Variants in SDK2 observed in about 807,000 individuals in gnomAD.
The protein encoded by SDK2 is sidekick cell adhesion molecule 2, also known as protein sidekick-2.
Under a neutral mutation model 253.9 loss-of-function variants are expected in SDK2, and 105 were observed. The ratio of observed to expected loss-of-function variants is 0.41; its 90% CI spans 0.35 to 0.49. SDK2 has a LOEUF of 0.49. SDK2 is among the 20% of genes least tolerant of loss of function. SDK2 has a pLI of 0.06. For synonymous variants in SDK2, 1,249 were observed against 1,234.9 expected (o/e 1.01, Z -0.24); for missense variants, 2,608 against 3,003.0 (o/e 0.87, Z 3.07).
intron 1 of SDK2, chr17:73,520,549 C>A (rs1046505220): frequency 1.3e-5 from 2 of 152,302 alleles, no homozygotes; most frequent in Non-Finnish European, 2.9e-5. Flanking sequence ...ACAGACGAGA[C>A]CCCTGGGGCC....
In SDK2 at chr17:73,472,114, G is replaced by A. The variant is rs2063655789; in HGVS notation, c.329C>T (p.Ala110Val). The change falls in exon 3 of 45, where the codon GCC (alanine) becomes GTC (valine). Residue 110 changes from alanine (A) to valine (V), a missense_variant and splice_region_variant. Transcript: ENST00000392650. ...LLQRQTEVQV[A>V]YMGSFEEGEK... ...CCCTGGGTCCCCATTGTACTCACAG[G>A]CCACCTGGACCTCGGTTTGCCGCTG... 1.3e-6 allele frequency: 2 copies of A among 1,550,718 alleles called. No homozygotes were observed. The highest frequency in any genetic ancestry group is 2.0e-5 in the Admixed American group (1 of 50,996).
chr17:73,348,413 C>T (rs563540796), intron 44 of SDK2, among the ~76,000 whole-genome samples, 186 bp downstream of exon 44: 47 of 152,306 alleles, frequency 3.1e-4, no homozygotes, highest in African/African-American at 7.2e-4. Context: ...TGGCACTGGC[C>T]GCAAACTTTG....
At position 73,393,597 on chromosome 17, in the gene SDK2, G is replaced by A. The variant is rs959301788; in HGVS notation, c.3861C>T (p.Pro1287=). ...TCCGCTCCAGGATGGGAGGGTGGCT[G>A]GGGCTGCCGTCCCCGATGCGTGTGA... ...LAFTRIGDGS[P]SHPPILERTL... The change falls in exon 27 of 45, where the codon CCC becomes CCT. Residue 1287 remains proline (P), a synonymous_variant. Coordinates refer to ENST00000392650, the MANE Select transcript of SDK2 (RefSeq NM_001144952.2). The A allele has an allele frequency of 8.2e-6, 13 of 1,577,756 alleles. No homozygotes were observed. The highest frequency in any genetic ancestry group is 1.7e-5 in the Admixed American group (1 of 58,404).
At position 73,379,685 on chromosome 17, in the gene SDK2, T is replaced by G. The variant is rs9914611; in HGVS notation, c.4763-136A>C. The G allele has an allele frequency of 0.11, 67,517 of 621,764 alleles. 8,390 individuals are homozygous for G. The highest frequency in any genetic ancestry group is 0.48 in the African/African-American group (26,225 of 54,298). 38.5% of individuals were successfully genotyped at this position (621,764 alleles called of 1,614,324 possible). On this transcript the variant is annotated intron_variant, in intron 34 of 44. Transcript: ENST00000392650. The surrounding 1 kb of genome is among the most constrained non-coding windows in gnomAD (Gnocchi z 4.5). ...TTCTAGCCCCCTCTGTGAAGGTGCA[T>G]GAAGGAGGAGGTGAGAGGCGGGGCC... is the stretch of plus-strand genomic sequence containing the variant.
chr17:73,590,950 G>A (rs186728220), intron 1 of SDK2, among the ~76,000 whole-genome samples: 5 of 152,218 alleles, frequency 3.3e-5, no homozygotes, highest in African/African-American at 4.8e-5. Flanking sequence ...ACAGAGTTTC[G>A]CTCTTGTTGC....
intron 2 of SDK2, among the ~76,000 whole-genome samples, chr17:73,486,460 A>G (rs1029053239): frequency 6.6e-6 from 1 of 152,028 alleles, no homozygotes; most frequent in Non-Finnish European, 1.5e-5. Context: ...AAATAAAACA[A>G]TTAGCCAAGT....
At chr17:73,373,381 G>T (rs981663056) in intron 36 of SDK2, among the ~76,000 whole-genome samples, 1 of 152,216 alleles carries the variant, frequency 6.6e-6, no homozygotes, top group Non-Finnish European at 1.5e-5. Context: ...TAAATACCCA[G>T]TAGTGGGATT....
intron 4 of SDK2, among the ~76,000 whole-genome samples, chr17:73,451,286 C>T (rs888244419): frequency 2.0e-5 from 3 of 152,146 alleles, no homozygotes; most frequent in Non-Finnish European, 2.9e-5. Context: ...GCAGGTGGAA[C>T]GCCTGAGGTC....
At chr17:73,575,740 G>T (rs1177958570) in intron 1 of SDK2, among the ~76,000 whole-genome samples, 1 of 151,076 alleles carries the variant, frequency 6.6e-6, no homozygotes, top group Non-Finnish European at 1.5e-5. Context: ...GACAATCTTT[G>T]TGCTCAAGGA....
chr17:73,515,666 G>A (rs1218086583), intron 1 of SDK2, among the ~76,000 whole-genome samples: 2 of 152,240 alleles, frequency 1.3e-5, no homozygotes, highest in African/African-American at 4.8e-5. Context: ...AGCCTTAGGG[G>A]CTTCTTGGGA....
intron 1 of SDK2, among the ~76,000 whole-genome samples, chr17:73,590,426 T>C (rs557007059): frequency 2.0e-5 from 3 of 152,344 alleles, no homozygotes. Flanking sequence ...CTGACTTTGC[T>C]CGTTGCCAAG....
intron 1 of SDK2, among the ~76,000 whole-genome samples, chr17:73,526,007 G>C (rs1486732858): frequency 6.6e-6 from 1 of 152,220 alleles, no homozygotes; most frequent in African/African-American, 2.4e-5. Flanking sequence ...TTGGCAGTGG[G>C]ACAAGTGCGC....
In SDK2 at chr17:73,401,745, C is replaced by A. The variant is rs1808695181; in HGVS notation, c.2688G>T (p.Gly896=). 5.1e-6 allele frequency: 8 copies of A among 1,575,408 alleles called. No individual in the cohort carries two copies. The highest frequency in any genetic ancestry group is 6.0e-6 in the Non-Finnish European group (7 of 1,159,490). The part of the protein sequence containing the change: ...QLVRTHEDVP[G]PVGHLSFSEI... ...CACTGAAGCTCAGGTGTCCCACGGG[C>A]CCAGGCACTGCACCCCAAAAGGAAC... Residue 896 remains glycine (G), a synonymous_variant, in exon 20 of 45, where the codon GGG becomes GGT. Coordinates refer to ENST00000392650, the MANE Select transcript of SDK2 (RefSeq NM_001144952.2).
intron 15 of SDK2, among the ~76,000 whole-genome samples, chr17:73,420,768 C>G (rs902417794): frequency 6.6e-6 from 1 of 152,234 alleles, no homozygotes; most frequent in Admixed American, 6.5e-5. Context: ...CTCCGTCTCC[C>G]GGGTTCAAGC....
At chr17:73,402,193 G>T in intron 18 of SDK2, 52 bp from the exon 19 acceptor site, 1 of 1,563,096 alleles carries the variant, frequency 6.4e-7, no homozygotes, top group Non-Finnish European at 8.7e-7. Flanking sequence ...TCCAGAGGAG[G>T]CCAAGCCCTC....
At chr17:73,506,963 C>T (rs77107874) in intron 2 of SDK2, among the ~76,000 whole-genome samples, 2 of 152,264 alleles carry the variant, frequency 1.3e-5, no homozygotes, top group Admixed American at 6.5e-5. Flanking sequence ...CTGAGAGGGC[C>T]ATCTCTGTGT....
chr17:73,520,928 A>G (rs1274200638), intron 1 of SDK2: 3 of 152,086 alleles, frequency 2.0e-5, no homozygotes, highest in Non-Finnish European at 4.4e-5. Flanking sequence ...AGTGACTGTG[A>G]GTGGGTACAG....
At chr17:73,461,604 G>C (rs2063562911) in intron 3 of SDK2, among the ~76,000 whole-genome samples, 1 of 152,142 alleles carries the variant, frequency 6.6e-6, no homozygotes, top group African/African-American at 2.4e-5. Flanking sequence ...GCAGTGCCAT[G>C]GATTTGTTCA....
At chr17:73,388,181 T>C (rs1477774982) in intron 29 of SDK2, 144 bp from the exon 30 acceptor site, 13 of 643,848 alleles carry the variant, frequency 2.0e-5, no homozygotes, top group Non-Finnish European at 3.5e-5. Context: ...CGCAGGATCC[T>C]TGCAGGTTCT....
Sources: allele counts gnomAD v4.1 joint callset (sites outside exome capture counted in the v4.1 genomes callset), GRCh38; gene constraint gnomAD v4.1.1; non-coding constraint Gnocchi (gnomAD v3.1); transcripts MANE v1.5; gene names NCBI Gene and HGNC (gene_info 2026-07-23, HGNC 2026-07-21).